COPG2: variants seen among roughly 807,000 people sequenced by gnomAD.
COPG2 encodes the protein coat protein complex I subunit gamma 2.
In COPG2, 37 loss-of-function variants were observed where a neutral mutation model predicts 46.3. The observed-to-expected ratio is 0.80, with a 90% confidence interval of 0.61 to 1.05. The LOEUF is 1.05. Among genes scored for constraint, COPG2 ranks in the 50% least tolerant of loss-of-function variants. The pLI, the probability that COPG2 is intolerant of heterozygous loss-of-function variation, is 0.00. For missense variants in COPG2, 427 were observed against 387.8 expected, an observed-to-expected ratio of 1.10 and a Z score of -0.85; for synonymous variants, 159 against 129.7, an observed-to-expected ratio of 1.23 and a Z score of -1.53.
chr7:130,513,592 T>C (rs1336697410), intron 20 of COPG2, among the ~76,000 whole-genome samples: 1 of 151,738 alleles, frequency 6.6e-6, no homozygotes, highest in African/African-American at 2.4e-5. Flanking sequence ...AAGTGCCATC[T>C]GGGAATCTTT....
At chr7:130,523,782 A>G (rs1169483253) in intron 20 of COPG2, among the ~76,000 whole-genome samples, 1 of 152,018 alleles carries the variant, frequency 6.6e-6, no homozygotes, top group Non-Finnish European at 1.5e-5. Flanking sequence ...CACGGGGAGG[A>G]AAGGCACAAA....
intron 9 of COPG2, among the ~76,000 whole-genome samples, chr7:130,580,542 T>G (rs1794116381): frequency 7.4e-6 from 1 of 135,368 alleles, no homozygotes. Flanking sequence ...CTTGAAAAAA[T>G]TAATGAATCC....
Position 130,663,018 on chromosome 7 carries a change from C to A in COPG2, c.192G>T (p.Thr64=). ...TTGCAAAGAAGGCTTCTGTAGCTTC[C>A]GTTGTTCCAAAGTGTTCACCCTAAG... ...LLNQGEHFGT[T]EATEAFFAMT... The change falls in exon 4 of 24, where the codon ACG becomes ACT. Residue 64 remains threonine, a synonymous_variant. Coordinates refer to ENST00000425248, the MANE Select transcript of COPG2 (RefSeq NM_012133.6). 6.5e-7 allele frequency: 1 copy of A among 1,545,234 alleles called. No individual in the cohort carries two copies. Among genetic ancestry groups the A allele is most frequent in the East Asian group, 2.3e-5 (1 of 42,574 alleles).
intron 9 of COPG2, among the ~76,000 whole-genome samples, chr7:130,571,413 G>T (rs1793896631): frequency 6.6e-6 from 1 of 152,076 alleles, no homozygotes. Flanking sequence ...CTCAAAAGAA[G>T]ATATACAAAT....
At chr7:130,527,565 A>G (rs1244898936) in intron 20 of COPG2, among the ~76,000 whole-genome samples, 4 of 151,784 alleles carry the variant, frequency 2.6e-5, no homozygotes, top group Non-Finnish European at 5.9e-5. Context: ...AAGTAAGGGG[A>G]AAAAAAAGCA....
intron 14 of COPG2, 27 bp from the exon 15 acceptor site, chr7:130,552,457 C>T (rs1188504961): frequency 2.5e-6 from 1 of 398,032 alleles, no homozygotes; most frequent in African/African-American, 2.1e-5. Context: ...AATTATGGTA[C>T]ATAAATATTG....
intron 7 of COPG2, among the ~76,000 whole-genome samples, chr7:130,613,153 A>G (rs1794884349): frequency 6.6e-6 from 1 of 152,108 alleles, no homozygotes. Context: ...TTTGGATGAA[A>G]CTGTTCCACC....
At chr7:130,607,649 A>C in intron 9 of COPG2, 5 of 515,218 alleles carry the variant, frequency 9.7e-6, no homozygotes, top group South Asian at 7.1e-5. Context: ...TTGGTCAGCC[A>C]GTGATTTTTG....
chr7:130,594,356 T>G (rs1438445269), intron 9 of COPG2, among the ~76,000 whole-genome samples: 1 of 152,078 alleles, frequency 6.6e-6, no homozygotes, highest in East Asian at 1.9e-4. Flanking sequence ...TACACAAAAA[T>G]GATCTCAAAA....
intron 20 of COPG2, chr7:130,547,468 G>A: frequency 2.6e-6 from 1 of 389,456 alleles, no homozygotes; most frequent in Non-Finnish European, 4.5e-6. Context: ...TTTACTCAGA[G>A]ATTTAGTTTT....
chr7:130,665,246 ATC>A (rs1306808465), intron 3 of COPG2, among the ~76,000 whole-genome samples: 8 of 152,200 alleles, frequency 5.3e-5, no homozygotes, highest in African/African-American at 1.9e-4. Context: ...ACTTTATTAA[ATC>A]TCTGAGTGAG....
chr7:130,616,601 A>AG (rs1794953920), intron 6 of COPG2, among the ~76,000 whole-genome samples: 1 of 152,200 alleles, frequency 6.6e-6, no homozygotes, highest in Non-Finnish European at 1.5e-5. Flanking sequence ...AAAAAGAAAA[A>AG]GAAAAAAAAT....
intron 5 of COPG2, among the ~76,000 whole-genome samples, chr7:130,627,978 CATTG>C (rs1271923686): frequency 6.6e-6 from 1 of 152,106 alleles, no homozygotes; most frequent in African/African-American, 2.4e-5. Flanking sequence ...GATTTTGAGT[CATTG>C]ATTAGTATAC....
At chr7:130,565,827 T>G (rs995448136) in intron 9 of COPG2, among the ~76,000 whole-genome samples, 2 of 151,972 alleles carry the variant, frequency 1.3e-5, no homozygotes. Flanking sequence ...AAAAGTTCAA[T>G]AGCAGACTTG....
intron 10 of COPG2, 65 bp from the exon 11 acceptor site, chr7:130,563,401 C>T (rs1474876499): frequency 2.6e-6 from 1 of 391,692 alleles, no homozygotes; most frequent in African/African-American, 2.1e-5. Context: ...ACCGTGAATA[C>T]TCCTGGCTTA....
At chr7:130,604,632 GTCC>G (rs1420360236) in intron 9 of COPG2, 1 of 452,286 alleles carries the variant, frequency 2.2e-6, no homozygotes, top group African/African-American at 2.0e-5. Flanking sequence ...ATAGTGTTAC[GTCC>G]TCCTTTCAAA....
Position 130,668,734 on chromosome 7 carries a change from A to G in COPG2, c.-66T>C. On this transcript the variant is annotated 5_prime_UTR_variant, in exon 1 of 24. Transcript: ENST00000425248. Reference sequence around the variant, plus strand: ...CCAGGCGCCGCAGCCGGCGAGCGGAAGAGGCTGCAGGAAGGCCGGCCCCGC... The same window carrying G: ...CCAGGCGCCGCAGCCGGCGAGCGGAGGAGGCTGCAGGAAGGCCGGCCCCGC... The G allele has an allele frequency of 6.7e-7, 1 of 1,487,462 alleles. No individual in the cohort carries two copies. Among genetic ancestry groups the G allele is most frequent in the Non-Finnish European group, 9.0e-7 (1 of 1,113,192 alleles). 92.1% of individuals were successfully genotyped at this position (1,487,462 alleles called of 1,614,324 possible).
chr7:130,557,679 G>A (rs1381465503), intron 12 of COPG2, among the ~76,000 whole-genome samples: 1 of 151,828 alleles, frequency 6.6e-6, no homozygotes, highest in African/African-American at 2.4e-5. Context: ...ATGGTGGCGG[G>A]TGGCGGGTGC....
chr7:130,541,920 C>T (rs1305208214), intron 20 of COPG2, among the ~76,000 whole-genome samples: 4 of 132,656 alleles, frequency 3.0e-5, no homozygotes, highest in African/African-American at 6.4e-5. Context: ...GGGACAGTAC[C>T]GTGCTATGCA....
Sources: allele counts gnomAD v4.1 joint callset (sites outside exome capture counted in the v4.1 genomes callset), GRCh38; gene constraint gnomAD v4.1.1; transcripts MANE v1.5; gene names NCBI Gene and HGNC (gene_info 2026-07-23, HGNC 2026-07-21).